PAX2: variants seen among roughly 807,000 people sequenced by gnomAD.
PAX2 encodes the protein paired box 2.
In PAX2, 9 loss-of-function variants were observed where a neutral mutation model predicts 41.7. That is an observed-to-expected ratio of 0.22 (90% CI 0.13 to 0.38). PAX2 has a LOEUF of 0.38. Ranked by LOEUF, PAX2 falls within the 10% of genes least tolerant of loss-of-function variation. The pLI, the probability that PAX2 is intolerant of heterozygous loss-of-function variation, is 1.00. For synonymous variants in PAX2, 221 were observed against 212.7 expected (o/e 1.04, Z -0.34); for missense variants, 418 against 531.6 (o/e 0.79, Z 2.10).
chr10:100,779,846 T>G (rs1359313393), intron 4 of PAX2, among the ~76,000 whole-genome samples: 1 of 152,078 alleles, frequency 6.6e-6, no homozygotes, highest in Non-Finnish European at 1.5e-5. Flanking sequence ...TCCTCTCTCT[T>G]AAGTGTTTTT....
intron 3 of PAX2, among the ~76,000 whole-genome samples, chr10:100,763,225 A>T (rs921943039): frequency 3.3e-5 from 5 of 152,198 alleles, no homozygotes; most frequent in African/African-American, 1.2e-4. Flanking sequence ...CAGGTTAATG[A>T]CTGTGGCAAC....
rs80158280 is a variant in PAX2, at chr10:100,826,157, G to C, written c.1022-852G>C. Among the ~76,000 whole-genome samples the C allele has an allele frequency of 6.6e-6, 1 of 152,064 alleles. No individual in the cohort carries two copies. The highest frequency in any genetic ancestry group is 2.4e-5 in the African/African-American group (1 of 41,416). ...TCAGAAGCTCATTATCCTGCTGCAC[G>C]CATGCTTTCCCTCCTCGTCAATAAA... is the stretch of plus-strand genomic sequence containing the variant. On this transcript the variant is annotated intron_variant, in intron 8 of 9. Coordinates refer to ENST00000355243, the MANE Select transcript of PAX2 (RefSeq NM_000278.5). The surrounding 1 kb of genome is among the most constrained non-coding windows in gnomAD (Gnocchi z 5.5).
chr10:100,779,682 A>T (rs187133715), intron 4 of PAX2, 99 bp downstream of exon 4: 1 of 907,142 alleles, frequency 1.1e-6, no homozygotes, highest in Admixed American at 2.0e-5. Flanking sequence ...CTTGAGGTCC[A>T]GAGCCCAACC....
chr10:100,759,942 G>T (rs181967446), intron 3 of PAX2, among the ~76,000 whole-genome samples: 1 of 152,190 alleles, frequency 6.6e-6, no homozygotes, highest in South Asian at 2.1e-4. Context: ...AAGCTGAAGG[G>T]CATGAGGAGT....
At chr10:100,788,887 C>T (rs1273929006) in intron 5 of PAX2, among the ~76,000 whole-genome samples, 1 of 152,040 alleles carries the variant, frequency 6.6e-6, no homozygotes, top group African/African-American at 2.4e-5. Context: ...GACACACATA[C>T]ATGCACACCG....
At chr10:100,808,742 G>A (rs1053559099) in intron 6 of PAX2, among the ~76,000 whole-genome samples, 4 of 152,174 alleles carry the variant, frequency 2.6e-5, no homozygotes, top group Admixed American at 2.6e-4. Flanking sequence ...GGCTCTGCCA[G>A]TCATGTCATG....
intron 3 of PAX2, among the ~76,000 whole-genome samples, chr10:100,757,572 C>T (rs577417844): frequency 1.9e-4 from 29 of 152,324 alleles, no homozygotes; most frequent in Admixed American, 1.0e-3. Flanking sequence ...GCATAAGCAG[C>T]CAAGAAGGCG....
chr10:100,809,584 C>A (rs1298805131), intron 7 of PAX2, among the ~76,000 whole-genome samples: 1 of 152,206 alleles, frequency 6.6e-6, no homozygotes, highest in Non-Finnish European at 1.5e-5. Context: ...AGCAAATAAG[C>A]CAGGCTGGTG....
intron 7 of PAX2, among the ~76,000 whole-genome samples, chr10:100,814,344 T>C (rs11190716): frequency 0.36 from 37,915 of 106,258 alleles, 6,766 homozygotes; most frequent in African/African-American, 0.56. Flanking sequence ...ACAGCGAGAC[T>C]CCATCTCAAA....
chr10:100,794,272 G>A (rs2902399), intron 5 of PAX2, among the ~76,000 whole-genome samples: 29,275 of 152,264 alleles, frequency 0.19, 3,097 homozygotes, highest in Middle Eastern at 0.36. Context: ...ACCACGGGAC[G>A]TGGGATCCAA....
At chr10:100,742,008 G>A (rs2133815349), upstream of PAX2, among the ~76,000 whole-genome samples, 1 of 152,304 alleles carries the variant, frequency 6.6e-6, no homozygotes, top group Non-Finnish European at 1.5e-5. Flanking sequence ...CGGCTGGGAT[G>A]CTCCCGCGGC....
At chr10:100,761,037 A>G (rs1289008265) in intron 3 of PAX2, among the ~76,000 whole-genome samples, 1 of 152,186 alleles carries the variant, frequency 6.6e-6, no homozygotes, top group Admixed American at 6.5e-5. Flanking sequence ...GGGAAAACCT[A>G]GCAGACTCCA....
At chr10:100,770,285 G>T (rs945509773) in intron 3 of PAX2, among the ~76,000 whole-genome samples, 2 of 152,156 alleles carry the variant, frequency 1.3e-5, no homozygotes, top group African/African-American at 4.8e-5. Context: ...GCAGTACCTT[G>T]TTCACCTTAT....
intron 5 of PAX2, among the ~76,000 whole-genome samples, chr10:100,782,515 C>T (rs995809613): frequency 3.3e-5 from 5 of 152,220 alleles, no homozygotes; most frequent in African/African-American, 1.2e-4. Context: ...AGTCCAAGAT[C>T]CCCCAGCCTA....
intron 3 of PAX2, among the ~76,000 whole-genome samples, chr10:100,752,449 G>A (rs1845476755): frequency 6.6e-6 from 1 of 152,286 alleles, no homozygotes; most frequent in South Asian, 2.1e-4. Flanking sequence ...GGGAGGGGAA[G>A]GGGACAAAGC....
intron 1 of PAX2, among the ~76,000 whole-genome samples, chr10:100,739,284 T>C (rs1028940367): frequency 1.3e-5 from 2 of 152,150 alleles, no homozygotes; most frequent in Non-Finnish European, 2.9e-5. Context: ...GTCCTTTGTC[T>C]CCAGCCACCT....
intron 7 of PAX2, among the ~76,000 whole-genome samples, chr10:100,820,590 A>G (rs1282427098): frequency 6.6e-6 from 1 of 152,206 alleles, no homozygotes; most frequent in African/African-American, 2.4e-5. Flanking sequence ...ATGGTGGCAC[A>G]CAACTATAGT....
intron 3 of PAX2, among the ~76,000 whole-genome samples, chr10:100,769,069 G>T (rs1469124780): frequency 6.6e-6 from 1 of 152,148 alleles, no homozygotes; most frequent in Admixed American, 6.5e-5. Flanking sequence ...TGATATGACT[G>T]ACTCATTCTA....
At chr10:100,779,297 C>T (rs1489302483) in intron 3 of PAX2, among the ~76,000 whole-genome samples, 2 of 152,230 alleles carry the variant, frequency 1.3e-5, no homozygotes, top group Admixed American at 1.3e-4. Context: ...TCACCCAGAG[C>T]TGCATTACGT....
Sources: allele counts gnomAD v4.1 joint callset (sites outside exome capture counted in the v4.1 genomes callset), GRCh38; gene constraint gnomAD v4.1.1; non-coding constraint Gnocchi (gnomAD v3.1); transcripts MANE v1.5; gene names NCBI Gene and HGNC (gene_info 2026-07-23, HGNC 2026-07-21).